Variants in STK25 observed in about 807,000 individuals in gnomAD.
The protein encoded by STK25 is serine/threonine kinase 25.
STK25 carries 29 observed loss-of-function variants against 53.8 expected under a neutral mutation model. That is an observed-to-expected ratio of 0.54 (90% CI 0.40 to 0.74). The LOEUF (loss-of-function observed/expected upper bound fraction) is 0.74. Ranked by LOEUF, STK25 falls within the 30% of genes least tolerant of loss-of-function variation. The pLI is 0.00. For synonymous variants in STK25, 247 were observed against 238.3 expected (o/e 1.04, Z -0.33); for missense variants, 420 against 568.0 (o/e 0.74, Z 2.65).
At position 241,493,214 on chromosome 2, in the gene STK25, G is replaced by A. The variant is rs563358661; in HGVS notation, c.*2448C>T. On this transcript the variant is annotated 3_prime_UTR_variant, in exon 12 of 12. Coordinates refer to ENST00000316586, the MANE Select transcript of STK25 (RefSeq NM_001271977.2). ...CCCGTGGGCATTTGTACGTGCCACCGTTGTGCAGGTAGCAGAGGAATGGGC... is the reference window on the plus strand; with the variant it reads ...CCCGTGGGCATTTGTACGTGCCACCATTGTGCAGGTAGCAGAGGAATGGGC... 4.0e-6 allele frequency: 6 copies of A among 1,488,406 alleles called. No homozygotes were observed. The highest frequency in any genetic ancestry group is 1.7e-5 in the Admixed American group (1 of 58,500). 92.2% of individuals were successfully genotyped at this position (1,488,406 alleles called of 1,614,324 possible). A position where few individuals can be genotyped will look rare whatever the true frequency, so the allele number is the denominator to read the frequency against.
chr2:241,507,493 C>T (rs1215642373), intron 2 of STK25, among the ~76,000 whole-genome samples: 1 of 152,254 alleles, frequency 6.6e-6, no homozygotes, highest in Non-Finnish European at 1.5e-5. Context: ...CCAAAGCACA[C>T]ACGTGTTCTC....
At chr2:241,505,832 T>TG (rs1444932283) in intron 2 of STK25, among the ~76,000 whole-genome samples, 7 of 152,040 alleles carry the variant, frequency 4.6e-5, no homozygotes, top group African/African-American at 1.7e-4. Flanking sequence ...AAAGGGTAAG[T>TG]GGGCCCCTGG....
rs2064977010 is a variant in STK25, at chr2:241,492,847, G to C, written c.*2815C>G. On this transcript the variant is annotated 3_prime_UTR_variant, in exon 12 of 12. Transcript: ENST00000316586. ...CCTCAGCTGGAGAAAGCATGCAGAG[G>C]CTTAGTCTTGGGGAGCAAACCCACT... is the stretch of plus-strand genomic sequence containing the variant. 1 of 778,948 alleles carries C rather than the reference G, an allele frequency of 1.3e-6. No homozygotes were observed. Among genetic ancestry groups the C allele is most frequent in the African/African-American group, 1.7e-5 (1 of 58,542 alleles). The allele number at this position is 778,948 out of a possible 1,614,324, so 48.3% of individuals were successfully genotyped here.
Position 241,493,076 on chromosome 2 carries a change from GCAGA to G in STK25, c.*2582_*2585del, listed in dbSNP as rs776884699. On this transcript the variant is annotated 3_prime_UTR_variant, in exon 12 of 12. Coordinates refer to ENST00000316586, the MANE Select transcript of STK25 (RefSeq NM_001271977.2). ...CTGGAGCCCAATGCAGGTGATGCTAGCAGACAGACACTTAACCCTGCTCACCTGT... is the reference window on the plus strand; with the variant it reads ...CTGGAGCCCAATGCAGGTGATGCTAGCAGACACTTAACCCTGCTCACCTGT... The G allele has an allele frequency of 1.6e-5, 20 of 1,249,794 alleles. No homozygotes were observed. In the East Asian group the frequency reaches 2.3e-4, roughly 14 times the overall value. The allele number at this position is 1,249,794 out of a possible 1,614,324, so 77.4% of individuals were successfully genotyped here. A position where few individuals can be genotyped will look rare whatever the true frequency, so the allele number is the denominator to read the frequency against.
At chr2:241,500,849 T>C in intron 3 of STK25, 53 bp from the exon 4 acceptor site, 1 of 1,591,230 alleles carries the variant, frequency 6.3e-7, no homozygotes, top group Non-Finnish European at 8.6e-7. Flanking sequence ...AAGGGCATGC[T>C]CCAGGGTGGG....
In STK25 at chr2:241,501,446, C is replaced by A; in HGVS notation, c.261+32G>T. On this transcript the variant is annotated intron_variant, in intron 3 of 11. Coordinates refer to ENST00000316586, the MANE Select transcript of STK25 (RefSeq NM_001271977.2). The surrounding 1 kb of genome is among the most constrained non-coding windows in gnomAD (Gnocchi z 5.3). Reference sequence around the variant, plus strand: ...CATGGAAGAGAGCCGGGCACAGCACCAGCAGGGTCCCCGCCTCCCCACAAC... The same window carrying A: ...CATGGAAGAGAGCCGGGCACAGCACAAGCAGGGTCCCCGCCTCCCCACAAC... The A allele has an allele frequency of 6.3e-7, 1 of 1,599,186 alleles. No homozygotes were observed. Among genetic ancestry groups the A allele is most frequent in the East Asian group, 2.2e-5 (1 of 44,624 alleles).
At chr2:241,498,079 C>T (rs2065280604) in intron 9 of STK25, among the ~76,000 whole-genome samples, 156 bp downstream of exon 9, 1 of 152,248 alleles carries the variant, frequency 6.6e-6, no homozygotes, top group Non-Finnish European at 1.5e-5. Flanking sequence ...GTCTCCACAC[C>T]AGGCCTAGTG....
chr2:241,498,949 C>G (rs34335673), intron 7 of STK25, 40 bp downstream of exon 7: 1 of 1,612,546 alleles, frequency 6.2e-7, no homozygotes, highest in Non-Finnish European at 8.5e-7. Flanking sequence ...CCTCCCTCCA[C>G]GTCCTGTCTA....
In STK25 at chr2:241,493,191, C is replaced by A; in HGVS notation, c.*2471G>T. 1 of 1,379,394 alleles carries A rather than the reference C, an allele frequency of 7.2e-7. No individual in the cohort carries two copies. Among genetic ancestry groups the A allele is most frequent in the Non-Finnish European group, 1.0e-6 (1 of 983,160 alleles). 85.4% of individuals were successfully genotyped at this position (1,379,394 alleles called of 1,614,324 possible). A position where few individuals can be genotyped will look rare whatever the true frequency, so the allele number is the denominator to read the frequency against. ...AACAGGGAAACTGGCTCCCTTGGCC[C>A]GTGGGCATTTGTACGTGCCACCGTT... On this transcript the variant is annotated 3_prime_UTR_variant, in exon 12 of 12. Coordinates refer to ENST00000316586, the MANE Select transcript of STK25 (RefSeq NM_001271977.2).
intron 2 of STK25, among the ~76,000 whole-genome samples, chr2:241,504,735 A>G (rs1159157888): frequency 6.6e-6 from 1 of 152,078 alleles, no homozygotes; most frequent in Admixed American, 6.6e-5. Flanking sequence ...TCAAAGCATA[A>G]GCTCATCAGC....
intron 2 of STK25, among the ~76,000 whole-genome samples, chr2:241,504,793 T>G (rs1364284850): frequency 1.3e-5 from 2 of 152,192 alleles, no homozygotes; most frequent in Non-Finnish European, 2.9e-5. Flanking sequence ...ATCACCCTCC[T>G]GCCATAGAGA....
intron 2 of STK25, chr2:241,504,143 T>C (rs1559841538): frequency 4.2e-6 from 2 of 470,692 alleles, no homozygotes. Flanking sequence ...CCACCTAACC[T>C]TTCCCTGCAA....
rs2065002828 is a variant in STK25, at chr2:241,493,398, T to G, written c.*2264A>C. On this transcript the variant is annotated 3_prime_UTR_variant, in exon 12 of 12. Coordinates refer to ENST00000316586, the MANE Select transcript of STK25 (RefSeq NM_001271977.2). The stretch of plus-strand genomic sequence containing the variant: ...CTATGTTTTCAAGCTCCAGTTCAAA[T>G]CCCACGTCTACTTCTTCCGGGCTGA... 3 of 1,613,946 alleles carry G rather than the reference T, an allele frequency of 1.9e-6. No individual in the cohort carries two copies. Among genetic ancestry groups the G allele is most frequent in the Non-Finnish European group, 2.5e-6 (3 of 1,180,016 alleles).
At position 241,493,294 on chromosome 2, in the gene STK25, A is replaced by T; in HGVS notation, c.*2368T>A. 1 of 1,613,712 alleles carries T rather than the reference A, an allele frequency of 6.2e-7. No homozygotes were observed. Among genetic ancestry groups the T allele is most frequent in the Middle Eastern group, 1.7e-4 (1 of 5,952 alleles). The stretch of plus-strand genomic sequence containing the variant: ...CCGTGTCCCTATGCTGTCTTGCAGG[A>T]TGACTACCCACTGGCCAGCCTCCCG... On this transcript the variant is annotated 3_prime_UTR_variant, in exon 12 of 12. Coordinates refer to ENST00000316586, the MANE Select transcript of STK25 (RefSeq NM_001271977.2).
rs926832638 is a variant in STK25 at position 241,495,596 on chromosome 2, C to T, written c.*66G>A. 11 of 1,575,504 alleles carry T rather than the reference C, an allele frequency of 7.0e-6. No individual in the cohort carries two copies. The highest frequency in any genetic ancestry group is 2.2e-5 in the South Asian group (2 of 90,328). On this transcript the variant is annotated 3_prime_UTR_variant, in exon 12 of 12. Coordinates refer to ENST00000316586, the MANE Select transcript of STK25 (RefSeq NM_001271977.2). ...GCACAGGGCACCTTCCAAGTCAGCA[C>T]AGTTCTTATGGAGCTCAGAACAAAA...
Position 241,504,964 on chromosome 2 carries a change from T to A in STK25, c.30+3042A>T, listed in dbSNP as rs370735700. On this transcript the variant is annotated intron_variant, in intron 2 of 11. Transcript: ENST00000316586. Reference sequence around the variant, plus strand: ...TAGAGTCTCACTCTGTTGCCCAGGCTGGAGTGCAGTGGCGTGATCTCGGCT... The same window carrying A: ...TAGAGTCTCACTCTGTTGCCCAGGCAGGAGTGCAGTGGCGTGATCTCGGCT... Among the ~76,000 whole-genome samples, 3 of 150,904 alleles carry A rather than the reference T, an allele frequency of 2.0e-5. No individual in the cohort carries two copies. The East Asian group carries it at 5.9e-4, about 29-fold the overall frequency.
intron 1 of STK25, 48 bp downstream of exon 1, chr2:241,508,395 T>G: frequency 2.3e-6 from 2 of 867,420 alleles, no homozygotes; most frequent in Non-Finnish European, 2.9e-6. Context: ...CCCCTCCCTC[T>G]GCCCCCTCCC....
Position 241,494,126 on chromosome 2 carries a change from CGCTCAACCTG to C in STK25, c.*1526_*1535del. 6.8e-7 allele frequency: 1 copy of C among 1,467,140 alleles called. No individual in the cohort carries two copies. The allele number at this position is 1,467,140 out of a possible 1,614,324, so 90.9% of individuals were successfully genotyped here. On this transcript the variant is annotated 3_prime_UTR_variant, in exon 12 of 12. Coordinates refer to ENST00000316586, the MANE Select transcript of STK25 (RefSeq NM_001271977.2). This position sits in a 1 kb window ranked among gnomAD's most constrained non-coding sequence, Gnocchi z 4.9. ...GATGGTCAGGGGGAAGGAGGAATGA[CGCTCAACCTG>C]CCCAGGTTTGGACACAACTACAAAG...
chr2:241,506,422 A>C (rs1461048766), intron 2 of STK25, among the ~76,000 whole-genome samples: 1 of 152,186 alleles, frequency 6.6e-6, no homozygotes, highest in Non-Finnish European at 1.5e-5. Flanking sequence ...GGCACCTCGG[A>C]GCTCCAATTT....
Sources: allele counts gnomAD v4.1 joint callset (sites outside exome capture counted in the v4.1 genomes callset), GRCh38; gene constraint gnomAD v4.1.1; non-coding constraint Gnocchi (gnomAD v3.1); transcripts MANE v1.5; gene names NCBI Gene and HGNC (gene_info 2026-07-23, HGNC 2026-07-21).